RMDN1: variants seen among roughly 807,000 people sequenced by gnomAD.
RMDN1 encodes regulator of microtubule dynamics 1.
A neutral mutation model predicts 48.9 loss-of-function variants in RMDN1; 48 were observed. The ratio of observed to expected loss-of-function variants is 0.98; its 90% CI spans 0.78 to 1.25. RMDN1 has a LOEUF of 1.25. Among genes scored for constraint, RMDN1 ranks in the 50% most tolerant of loss-of-function variants. The pLI, the probability that RMDN1 is intolerant of heterozygous loss-of-function variation, is 0.00. For missense variants in RMDN1, 418 were observed against 373.4 expected, an observed-to-expected ratio of 1.12 and a Z score of -0.98; for synonymous variants, 148 against 132.6, an observed-to-expected ratio of 1.12 and a Z score of -0.80.
At chr8:86,483,136 C>CTT (rs1247140151) in intron 5 of RMDN1, 4 of 340,840 alleles carry the variant, frequency 1.2e-5, no homozygotes, top group Non-Finnish European at 2.1e-5. Flanking sequence ...GATGTTACCA[C>CTT]TTTAGATATA....
chr8:86,482,515 A>G (rs1586635016), intron 5 of RMDN1: 1 of 687,978 alleles, frequency 1.5e-6, no homozygotes, highest in East Asian at 2.9e-5. Context: ...ATTCTGTCAC[A>G]CATAATCATA....
At chr8:86,484,706 G>C (rs1417790851) in intron 5 of RMDN1, 166 bp downstream of exon 5, 1 of 416,882 alleles carries the variant, frequency 2.4e-6, no homozygotes, top group African/African-American at 2.4e-5. Flanking sequence ...TGACAAGAGC[G>C]AAACTCCGTC....
chr8:86,470,173 C>T (rs1397558582), downstream of RMDN1: 3 of 1,288,596 alleles, frequency 2.3e-6, no homozygotes, highest in Admixed American at 2.3e-5. Flanking sequence ...GAGATATAGC[C>T]TATGTATGTA....
At chr8:86,505,087 C>T (rs1425684251) in intron 2 of RMDN1, 34 of 1,390,136 alleles carry the variant, frequency 2.4e-5, no homozygotes, top group Non-Finnish European at 3.2e-5. Flanking sequence ...CCTTCCACCT[C>T]CCTCCCAGCA....
rs1819693013 is a variant in RMDN1, at chr8:86,508,159, T to TCAA, written c.129+332_129+333insTTG. The TCAA allele has an allele frequency of 1.5e-5, 4 of 268,894 alleles. No individual in the cohort carries two copies. The East Asian group carries it at 2.8e-4, about 19-fold the overall frequency. The allele number at this position is 268,894 out of a possible 1,614,324, so 16.7% of individuals were successfully genotyped here. A position where few individuals can be genotyped will look rare whatever the true frequency, so the allele number is the denominator to read the frequency against. ...AAAGGGGCAGCCTCAAGCGCTGTTGTATCTGTCATCGCCTACAGGGAGAAT... is the reference window on the plus strand; with the variant it reads ...AAAGGGGCAGCCTCAAGCGCTGTTGTCAAATCTGTCATCGCCTACAGGGAGAAT... On this transcript the variant is annotated intron_variant, in intron 1 of 9. Coordinates refer to ENST00000406452, the MANE Select transcript of RMDN1 (RefSeq NM_016033.3).
chr8:86,502,560 G>A (rs764010218), intron 2 of RMDN1, among the ~76,000 whole-genome samples: 2 of 151,984 alleles, frequency 1.3e-5, no homozygotes, highest in Non-Finnish European at 2.9e-5. Flanking sequence ...TTTAATATAC[G>A]TTTACTTATC....
chr8:86,486,407 T>C (rs1416292343), intron 4 of RMDN1, 77 bp downstream of exon 4: 2 of 1,033,308 alleles, frequency 1.9e-6, no homozygotes, highest in African/African-American at 1.6e-5. Flanking sequence ...GTTCTTCCAA[T>C]GTAAATCAGA....
At chr8:86,503,746 G>T in intron 2 of RMDN1, 1 of 486,024 alleles carries the variant, frequency 2.1e-6, no homozygotes, top group Non-Finnish European at 4.1e-6. Flanking sequence ...CCTCTGAGAT[G>T]TTGCTCACGT....
At chr8:86,501,394 T>C (rs138070422) in intron 2 of RMDN1, among the ~76,000 whole-genome samples, 176 of 152,216 alleles carry the variant, frequency 1.2e-3, no homozygotes, top group Non-Finnish European at 1.9e-3. Flanking sequence ...GATAAGGAGC[T>C]GGGTGTCGTG....
chr8:86,488,646 A>C lies in RMDN1; in HGVS notation c.248-7T>G, dbSNP rs1404094186. 1.3e-6 allele frequency: 2 copies of C among 1,595,704 alleles called. No homozygotes were observed. Among genetic ancestry groups the C allele is most frequent in the Non-Finnish European group, 1.7e-6 (2 of 1,167,780 alleles). On this transcript the variant is annotated splice_polypyrimidine_tract_variant and splice_region_variant and intron_variant, in intron 2 of 9. Coordinates refer to ENST00000406452, the MANE Select transcript of RMDN1 (RefSeq NM_016033.3). ...TGTTCAAGTATTTCTTCAACTTCAAAGATTATAAAGGAAAAAAGACACAAT... is the reference window on the plus strand; with the variant it reads ...TGTTCAAGTATTTCTTCAACTTCAACGATTATAAAGGAAAAAAGACACAAT...
At position 86,482,296 on chromosome 8, in the gene RMDN1, G is replaced by T. The variant is rs1814628007; in HGVS notation, c.586-1964C>A. The T allele has an allele frequency of 1.0e-5, 3 of 300,560 alleles. No homozygotes were observed. In the South Asian group the frequency reaches 1.0e-4, roughly 10 times the overall value. 18.6% of individuals were successfully genotyped at this position (300,560 alleles called of 1,614,324 possible). ...GGGCGCCTGTAATCCCAGCTACTTG[G>T]GAGGCTGAGGCAGGAGAATCACTTG... is the stretch of plus-strand genomic sequence containing the variant. On this transcript the variant is annotated intron_variant, in intron 5 of 9. Transcript: ENST00000406452.
At chr8:86,478,167 G>C (rs1413947422) in intron 7 of RMDN1, 1 of 152,174 alleles carries the variant, frequency 6.6e-6, no homozygotes, top group East Asian at 1.9e-4. Context: ...TTACAGGCAT[G>C]AGCCACCGTG....
upstream of RMDN1, among the ~76,000 whole-genome samples, chr8:86,511,816 CA>C (rs1157080564): frequency 1.2e-3 from 59 of 50,438 alleles, no homozygotes; most frequent in Non-Finnish European, 1.3e-3. Flanking sequence ...ACCTGTCTCT[CA>C]AAAAAAAAAA....
At chr8:86,503,375 A>AAAAAAAAC (rs1818658677) in intron 2 of RMDN1, among the ~76,000 whole-genome samples, 1 of 87,184 alleles carries the variant, frequency 1.1e-5, no homozygotes, top group African/African-American at 7.8e-5. Context: ...ACAAAACAAA[A>AAAAAAAAC]AAAAAAAAAA....
At chr8:86,506,918 T>G in intron 2 of RMDN1, 77 bp downstream of exon 2, 1 of 756,510 alleles carries the variant, frequency 1.3e-6, no homozygotes, top group Non-Finnish European at 2.3e-6. Context: ...ACCCTGATTC[T>G]TTGTTTTAAA....
At chr8:86,470,507 G>A, downstream of RMDN1, 1 of 1,058,810 alleles carries the variant, frequency 9.4e-7, no homozygotes, top group African/African-American at 1.7e-5. Flanking sequence ...AGAGTAAAGG[G>A]GAAAAATGAA....
upstream of RMDN1, among the ~76,000 whole-genome samples, chr8:86,510,791 TG>T (rs1820016083): frequency 6.6e-6 from 1 of 151,736 alleles, no homozygotes; most frequent in African/African-American, 2.4e-5. Context: ...AGAGTTGGAG[TG>T]TGGAGTTTCA....
intron 2 of RMDN1, chr8:86,505,311 G>C (rs1467099464): frequency 1.5e-5 from 7 of 469,664 alleles, no homozygotes; most frequent in Non-Finnish European, 2.5e-5. Flanking sequence ...TTCATTTCAG[G>C]AGGCAATGGC....
downstream of RMDN1, chr8:86,470,417 A>G (rs1812441475): frequency 7.8e-7 from 1 of 1,276,662 alleles, no homozygotes; most frequent in Non-Finnish European, 1.0e-6. Context: ...GCTCCTGGGA[A>G]GTCAAATGGA....
Sources: allele counts gnomAD v4.1 joint callset (sites outside exome capture counted in the v4.1 genomes callset), GRCh38; gene constraint gnomAD v4.1.1; transcripts MANE v1.5; gene names NCBI Gene and HGNC (gene_info 2026-07-23, HGNC 2026-07-21).